Variants in GPC6 observed in about 807,000 individuals in gnomAD.
GPC6 encodes the protein glypican-6.
Under a neutral mutation model 55.2 loss-of-function variants are expected in GPC6, and 14 were observed. The ratio of observed to expected loss-of-function variants is 0.25; its 90% CI spans 0.17 to 0.40. GPC6 has a LOEUF of 0.40. GPC6 is among the 10% of genes least tolerant of loss of function. The probability of loss-of-function intolerance (pLI) is 1.00; values close to 1 mark genes in which losing one functional copy is unlikely to be tolerated. For synonymous variants in GPC6, 278 were observed against 259.6 expected (o/e 1.07, Z -0.68); for missense variants, 641 against 708.5 (o/e 0.90, Z 1.08).
intron 2 of GPC6, among the ~76,000 whole-genome samples, chr13:93,659,153 A>C (rs1880815249): frequency 6.6e-6 from 1 of 151,938 alleles, no homozygotes; most frequent in African/African-American, 2.4e-5. Context: ...GTATAAAATT[A>C]ATCATGATAG....
intron 7 of GPC6, among the ~76,000 whole-genome samples, chr13:94,383,440 G>T (rs1270502823): frequency 6.6e-6 from 1 of 152,158 alleles, no homozygotes; most frequent in Non-Finnish European, 1.5e-5. Flanking sequence ...AAACAAGAAG[G>T]TGTGTGGTTG....
At chr13:93,844,372 C>T (rs1888087552) in intron 3 of GPC6, among the ~76,000 whole-genome samples, 1 of 152,154 alleles carries the variant, frequency 6.6e-6, no homozygotes, top group Admixed American at 6.5e-5. Flanking sequence ...CTCTTGACCT[C>T]ATGGTCCGCC....
intron 3 of GPC6, among the ~76,000 whole-genome samples, chr13:93,888,732 A>G (rs1875490215): frequency 6.6e-6 from 1 of 152,152 alleles, no homozygotes; most frequent in African/African-American, 2.4e-5. Flanking sequence ...AAGTGCTTAT[A>G]TTTTCAGAAC....
At chr13:93,779,339 A>T (rs1485300954) in intron 2 of GPC6, among the ~76,000 whole-genome samples, 1 of 152,194 alleles carries the variant, frequency 6.6e-6, no homozygotes, top group African/African-American at 2.4e-5. Context: ...TAGCCTTCTA[A>T]CATACTTGAT....
intron 1 of GPC6, among the ~76,000 whole-genome samples, chr13:93,488,579 C>T (rs182440904): frequency 6.6e-6 from 1 of 152,166 alleles, no homozygotes; most frequent in Non-Finnish European, 1.5e-5. Flanking sequence ...AGTTTACACT[C>T]CCACCAACAG....
chr13:93,536,675 C>T (rs1882076773), intron 1 of GPC6, among the ~76,000 whole-genome samples: 1 of 152,112 alleles, frequency 6.6e-6, no homozygotes, highest in Non-Finnish European at 1.5e-5. Context: ...ATAATGCTGC[C>T]AACCCCATAG....
chr13:93,657,676 A>G (rs7982384), intron 2 of GPC6, among the ~76,000 whole-genome samples: 132,083 of 152,022 alleles, frequency 0.87, 58,009 homozygotes, highest in Admixed American at 0.93. Context: ...CCTACAGAAT[A>G]GAAGAAAATA....
intron 1 of GPC6, among the ~76,000 whole-genome samples, chr13:93,255,476 C>T (rs891787385): frequency 1.3e-5 from 2 of 152,116 alleles, no homozygotes; most frequent in African/African-American, 4.8e-5. Context: ...TTGATCTGTA[C>T]AAACTAATAT....
At chr13:94,281,721 A>G (rs934711246) in intron 4 of GPC6, among the ~76,000 whole-genome samples, 11 of 152,122 alleles carry the variant, frequency 7.2e-5, no homozygotes, top group Admixed American at 3.9e-4. Flanking sequence ...AAGAGACTTC[A>G]CTCTTCATAA....
chr13:93,453,603 C>T (rs998315444), intron 1 of GPC6, among the ~76,000 whole-genome samples: 11 of 147,056 alleles, frequency 7.5e-5, no homozygotes, highest in African/African-American at 2.3e-4. Flanking sequence ...TTCTGATGTT[C>T]GGATGTGTTC....
intron 1 of GPC6, among the ~76,000 whole-genome samples, chr13:93,472,650 A>T (rs1879161600): frequency 6.6e-6 from 1 of 152,222 alleles, no homozygotes; most frequent in Non-Finnish European, 1.5e-5. Context: ...GGAGCTCCCA[A>T]GTTTGGGCTC....
At chr13:93,710,157 A>G (rs948454603) in intron 2 of GPC6, among the ~76,000 whole-genome samples, 7 of 151,826 alleles carry the variant, frequency 4.6e-5, no homozygotes, top group African/African-American at 1.4e-4. Flanking sequence ...TTGAATGCAT[A>G]TTTTGAATTA....
rs1050197910 is a variant in GPC6 at position 93,727,488 on chromosome 13, T to A, written c.320-102666T>A. Reference sequence around the variant, plus strand: ...TGAGTGGTCTCCCAGCTTACACTCTTGCCCTTCCCCGTGGTTTATGTTTTA... The same window carrying A: ...TGAGTGGTCTCCCAGCTTACACTCTAGCCCTTCCCCGTGGTTTATGTTTTA... On this transcript the variant is annotated intron_variant, in intron 2 of 8. Transcript: ENST00000377047. Among the ~76,000 whole-genome samples the A allele has an allele frequency of 2.7e-5, 4 of 146,214 alleles. No individual in the cohort carries two copies. The Admixed American group carries it at 2.8e-4, about 10-fold the overall frequency.
At chr13:93,802,889 C>T (rs1594470602) in intron 2 of GPC6, among the ~76,000 whole-genome samples, 1 of 152,070 alleles carries the variant, frequency 6.6e-6, no homozygotes, top group African/African-American at 2.4e-5. Flanking sequence ...ATAAGTTTGT[C>T]AATTAAGAGT....
chr13:93,955,197 G>A (rs1879447723), intron 3 of GPC6, among the ~76,000 whole-genome samples: 1 of 150,440 alleles, frequency 6.6e-6, no homozygotes, highest in African/African-American at 2.5e-5. Context: ...TGCCAGTGAA[G>A]TGCAGAAGGA....
chr13:93,694,557 C>T (rs985061915), intron 2 of GPC6, among the ~76,000 whole-genome samples: 1 of 152,130 alleles, frequency 6.6e-6, no homozygotes, highest in African/African-American at 2.4e-5. Context: ...TGGTAATGCT[C>T]ACAAAATGCC....
intron 1 of GPC6, among the ~76,000 whole-genome samples, chr13:93,492,996 G>A (rs1880091026): frequency 1.1e-5 from 1 of 92,132 alleles, no homozygotes; most frequent in African/African-American, 4.3e-5. Context: ...TTTTGGTTGT[G>A]TCTCTGCCTG....
At chr13:93,617,886 A>T (rs966745914) in intron 2 of GPC6, among the ~76,000 whole-genome samples, 5 of 152,108 alleles carry the variant, frequency 3.3e-5, no homozygotes, top group African/African-American at 1.2e-4. Flanking sequence ...CAGGTGTGTT[A>T]TTCCTTACAT....
intron 2 of GPC6, among the ~76,000 whole-genome samples, chr13:93,598,797 AAATGCTAATTCAAATAGGATG>A (rs1179348300): frequency 1.3e-5 from 2 of 152,362 alleles, no homozygotes; most frequent in African/African-American, 4.8e-5. Context: ...TAATACAAGT[AAATGCTAATTCAAATAGGATG>A]AAATTAATCT....
Sources: allele counts gnomAD v4.1 joint callset (sites outside exome capture counted in the v4.1 genomes callset), GRCh38; gene constraint gnomAD v4.1.1; transcripts MANE v1.5; gene names NCBI Gene and HGNC (gene_info 2026-07-23, HGNC 2026-07-21).